TMEM182: variants seen among roughly 807,000 people sequenced by gnomAD.
The protein encoded by TMEM182 is transmembrane protein 182.
In TMEM182, 20 loss-of-function variants were observed where a neutral mutation model predicts 26.8. The ratio of observed to expected loss-of-function variants is 0.75; its 90% confidence interval spans 0.53 to 1.09. The LOEUF (loss-of-function observed/expected upper bound fraction) is 1.09, where lower values mean the gene tolerates loss of function less well. Ranked by LOEUF, TMEM182 falls within the 50% of genes least tolerant of loss-of-function variation. The pLI is 0.00. For synonymous variants in TMEM182, 109 were observed against 102.2 expected, an observed-to-expected ratio of 1.07 and a Z score of -0.40; for missense variants, 277 against 275.5, an observed-to-expected ratio of 1.01 and a Z score of -0.04.
At chr2:102,763,615 A>G (rs1248288509) in intron 2 of TMEM182, among the ~76,000 whole-genome samples, 3 of 152,200 alleles carry the variant, frequency 2.0e-5, no homozygotes, top group Non-Finnish European at 4.4e-5. Flanking sequence ...CTGATAGACT[A>G]TCTTACAGTG....
rs1185372459 is a variant in TMEM182 at position 102,836,772 on chromosome 2, C to T, written c.326-6640C>T. 2.6e-5 allele frequency among the ~76,000 whole-genome samples: 4 copies of T among 152,194 alleles called. No homozygotes were observed. The East Asian group carries it at 5.8e-4, about 22-fold the overall frequency. Reference sequence around the variant, plus strand: ...CAGAGCAGGACACAGGAAGAGAACTCGGCCTCTGTCAGCTGTGCTGCCCCA... The same window carrying T: ...CAGAGCAGGACACAGGAAGAGAACTTGGCCTCTGTCAGCTGTGCTGCCCCA... On this transcript the variant is annotated intron_variant, in intron 3 of 3. Coordinates refer to the TMEM182 transcript ENST00000486293.
intron 1 of TMEM182, among the ~76,000 whole-genome samples, chr2:102,752,289 G>A (rs1225801577): frequency 6.6e-6 from 1 of 152,218 alleles, no homozygotes; most frequent in Non-Finnish European, 1.5e-5. Flanking sequence ...CAGTGTGAGA[G>A]CTACCTAAGT....
intron 3 of TMEM182, among the ~76,000 whole-genome samples, chr2:102,771,182 G>A (rs1680654942): frequency 1.3e-5 from 2 of 152,050 alleles, no homozygotes; most frequent in South Asian, 4.1e-4. Context: ...ATGCAACTTA[G>A]CCTCCTTTTC....
intron 4 of TMEM182, among the ~76,000 whole-genome samples, chr2:102,813,396 ATTTAGCTTT>A (rs914827881): frequency 2.0e-5 from 3 of 152,230 alleles, no homozygotes; most frequent in African/African-American, 4.8e-5. Context: ...TCAGACTTGC[ATTTAGCTTT>A]CAGACATTCT....
chr2:102,755,790 A>G (rs1232682413), intron 1 of TMEM182, among the ~76,000 whole-genome samples: 3 of 152,102 alleles, frequency 2.0e-5, no homozygotes, highest in Non-Finnish European at 4.4e-5. Flanking sequence ...GCTTTTCTTC[A>G]TTTGCTCATT....
intron 3 of TMEM182, among the ~76,000 whole-genome samples, chr2:102,787,497 T>C (rs1361544679): frequency 6.6e-6 from 1 of 152,182 alleles, no homozygotes; most frequent in Non-Finnish European, 1.5e-5. Context: ...TCTCACACTT[T>C]GGGGGTTAGG....
At chr2:102,806,242 G>A (rs1682341218) in intron 4 of TMEM182, among the ~76,000 whole-genome samples, 2 of 151,922 alleles carry the variant, frequency 1.3e-5, no homozygotes, top group African/African-American at 4.8e-5. Context: ...GAAGCCTAAT[G>A]TGCTTGACCT....
intron 3 of TMEM182, among the ~76,000 whole-genome samples, chr2:102,783,041 A>T (rs978683228): frequency 9.9e-5 from 15 of 152,208 alleles, no homozygotes; most frequent in African/African-American, 3.1e-4. Flanking sequence ...GAAATGTCTT[A>T]TGGAAAGCAA....
At chr2:102,783,463 C>G (rs975621813) in intron 3 of TMEM182, among the ~76,000 whole-genome samples, 5 of 152,172 alleles carry the variant, frequency 3.3e-5, no homozygotes, top group African/African-American at 1.2e-4. Flanking sequence ...TAAGTGACTT[C>G]CTTCTAAAGA....
chr2:102,802,599 C>T (rs113142871), intron 4 of TMEM182, among the ~76,000 whole-genome samples: 2 of 152,260 alleles, frequency 1.3e-5, no homozygotes, highest in African/African-American at 4.8e-5. Flanking sequence ...CTCCTCCTGC[C>T]CCGTGGCATT....
chr2:102,754,495 T>G (rs1477357807), intron 1 of TMEM182, among the ~76,000 whole-genome samples: 1 of 152,180 alleles, frequency 6.6e-6, no homozygotes, highest in Non-Finnish European at 1.5e-5. Flanking sequence ...GAATCTACAC[T>G]AAAATCTCCA....
intron 3 of TMEM182, among the ~76,000 whole-genome samples, chr2:102,791,946 A>T (rs1368049762): frequency 1.3e-5 from 2 of 151,938 alleles, no homozygotes; most frequent in African/African-American, 4.8e-5. Flanking sequence ...AACAATATAA[A>T]TCACTAACCA....
chr2:102,808,187 T>C (rs568135627), intron 4 of TMEM182, among the ~76,000 whole-genome samples: 1 of 152,272 alleles, frequency 6.6e-6, no homozygotes, highest in East Asian at 1.9e-4. Context: ...GCTCCTTAAA[T>C]ATTGCAGAGG....
chr2:102,801,979 G>A (rs549739406), intron 4 of TMEM182, among the ~76,000 whole-genome samples: 25 of 152,274 alleles, frequency 1.6e-4, no homozygotes, highest in East Asian at 1.9e-4. Flanking sequence ...ACCCTGTTGC[G>A]TGGGATGGAA....
At chr2:102,837,596 A>G (rs575129750) in intron 3 of TMEM182, among the ~76,000 whole-genome samples, 179 of 152,216 alleles carry the variant, frequency 1.2e-3, no homozygotes, top group Non-Finnish European at 2.3e-3. Context: ...GATAGTGCCA[A>G]GGTTCCTGCG....
chr2:102,773,741 A>G (rs2104680834), intron 3 of TMEM182, among the ~76,000 whole-genome samples: 1 of 152,276 alleles, frequency 6.6e-6, no homozygotes, highest in East Asian at 1.9e-4. Context: ...TGGAAAGGCA[A>G]GGGAGGAATC....
intron 3 of TMEM182, among the ~76,000 whole-genome samples, chr2:102,781,758 G>T (rs1018382673): frequency 6.6e-6 from 1 of 152,160 alleles, no homozygotes; most frequent in African/African-American, 2.4e-5. Flanking sequence ...TTAGTAGGTT[G>T]TCCAGAGCAA....
At chr2:102,828,517 T>C (rs540037567) in intron 3 of TMEM182, among the ~76,000 whole-genome samples, 2 of 152,320 alleles carry the variant, frequency 1.3e-5, no homozygotes, top group African/African-American at 4.8e-5. Context: ...AGGAAAAATG[T>C]TCATGGTTTT....
At chr2:102,812,469 C>G (rs1682591291) in intron 4 of TMEM182, among the ~76,000 whole-genome samples, 1 of 151,142 alleles carries the variant, frequency 6.6e-6, no homozygotes, top group South Asian at 2.1e-4. Flanking sequence ...TGATCTGATA[C>G]AAATTAAATG....
Sources: gnomAD v4.1 joint callset for allele counts (sites outside exome capture counted in the v4.1 genomes callset) on GRCh38, gnomAD v4.1.1 for gene constraint, MANE v1.5 for transcripts, NCBI Gene and HGNC (gene_info 2026-07-23, HGNC 2026-07-21) for gene names.